RASA3: variants seen among roughly 807,000 people sequenced by gnomAD.
RASA3 encodes ras GTPase-activating protein 3.
Under a neutral mutation model 110.0 loss-of-function variants are expected in RASA3, and 73 were observed. That is an observed-to-expected ratio of 0.66 (90% confidence interval 0.55 to 0.81). The LOEUF (loss-of-function observed/expected upper bound fraction) is 0.81, where lower values mean the gene tolerates loss of function less well. RASA3 is among the 30% of genes least tolerant of loss of function. RASA3 has a pLI of 0.00. For missense variants in RASA3, 976 were observed against 1,113.2 expected (o/e 0.88, Z 1.75); for synonymous variants, 500 against 451.4 (o/e 1.11, Z -1.37).
At chr13:114,015,370 CTGCCCACAGG>C in intron 13 of RASA3, 38 bp from the exon 14 acceptor site, 1 of 1,608,960 alleles carries the variant, frequency 6.2e-7, no homozygotes, top group Non-Finnish European at 8.5e-7. Flanking sequence ...ACTCCCGAGG[CTGCCCACAGG>C]TGCGTGTAGC....
intron 11 of RASA3, 133 bp downstream of exon 11, chr13:114,017,971 T>C: frequency 9.3e-7 from 1 of 1,070,982 alleles, no homozygotes; most frequent in African/African-American, 1.7e-5. Flanking sequence ...AAAGAAAACC[T>C]GAATCAACAT....
chr13:114,000,800 C>G (rs1466885153), intron 19 of RASA3, 26 bp downstream of exon 19: 1 of 1,522,618 alleles, frequency 6.6e-7, no homozygotes. Context: ...CCAGCAAGAG[C>G]CAGGGAAAGC....
chr13:114,010,292 G>T lies in RASA3; in HGVS notation c.1591-828C>A, dbSNP rs530062710. Among the ~76,000 whole-genome samples, 3 of 152,118 alleles carry T rather than the reference G, an allele frequency of 2.0e-5. No individual in the cohort carries two copies. In the South Asian group the frequency reaches 6.2e-4, roughly 32 times the overall value. On this transcript the variant is annotated intron_variant, in intron 16 of 23. Coordinates refer to ENST00000334062, the MANE Select transcript of RASA3 (RefSeq NM_007368.4). ...AAGAACAGGGAACCAGGAGGCCTGGGCATCTGTGCACCACAGCCCAGCCCT... is the reference window on the plus strand; with the variant it reads ...AAGAACAGGGAACCAGGAGGCCTGGTCATCTGTGCACCACAGCCCAGCCCT...
intron 1 of RASA3, among the ~76,000 whole-genome samples, chr13:114,118,164 C>T (rs2080321580): frequency 6.6e-6 from 1 of 152,026 alleles, no homozygotes; most frequent in Non-Finnish European, 1.5e-5. Flanking sequence ...CTTATTTATC[C>T]CTTACTCTAT....
intron 22 of RASA3, among the ~76,000 whole-genome samples, chr13:113,990,376 C>T (rs1054000909): frequency 1.3e-5 from 2 of 152,284 alleles, no homozygotes; most frequent in Middle Eastern, 3.4e-3. Flanking sequence ...GCGGGGCGCA[C>T]GGCCTAGGAG....
At position 114,000,900 on chromosome 13, in the gene RASA3, C is replaced by T. The variant is rs768855294; in HGVS notation, c.1775G>A (p.Arg592His). The stretch of plus-strand genomic sequence containing the variant: ...CTTCTTAAAATTCTTCATCCCAAAG[C>T]GCTTCCGTCCTTGGGCCCTCTTGAT... ...FMIKRAQGRK[R>H]FGMKNFKKRW... Residue 592 changes from arginine (R) to histidine (H), a missense_variant, in exon 19 of 24, where the codon CGC becomes CAC. Around this residue, in one of 4 missense-constraint regions of RASA3, gnomAD observed 109 missense variants for 162.5 expected, o/e 0.67. Transcript: ENST00000334062. The T allele has an allele frequency of 1.1e-5, 18 of 1,613,684 alleles. No individual in the cohort carries two copies. Among genetic ancestry groups the T allele is most frequent in the South Asian group, 2.2e-5 (2 of 91,072 alleles).
rs56165269 is a variant in RASA3, at chr13:113,984,279, T to C, written c.2246-2421A>G. 3.7e-4 allele frequency among the ~76,000 whole-genome samples: 31 copies of C among 82,794 alleles called. 1 individual carries two copies. The highest frequency in any genetic ancestry group is 6.6e-4 in the African/African-American group (16 of 24,228). 54.3% of individuals were successfully genotyped at this position (82,794 alleles called of 152,430 possible). ...CATCTGTCCATCCACCCATCACTCA[T>C]CCCTCGGTCCATCCACCCATCACTC... is the stretch of plus-strand genomic sequence containing the variant. On this transcript the variant is annotated intron_variant, in intron 22 of 23. Coordinates refer to ENST00000334062, the MANE Select transcript of RASA3 (RefSeq NM_007368.4).
At position 114,018,201 on chromosome 13, in the gene RASA3, G is replaced by A; in HGVS notation, c.994C>T (p.Gln332Ter). 6.4e-7 allele frequency: 1 copy of A among 1,553,194 alleles called. No homozygotes were observed. Among genetic ancestry groups the A allele is most frequent in the South Asian group, 1.2e-5 (1 of 84,196 alleles). Residue 332 changes from glutamine to a stop codon, truncating the protein, a stop_gained, in exon 11 of 24, where the codon CAG (glutamine) becomes TAG (stop). Transcript: ENST00000334062. LOFTEE classifies it high-confidence loss of function. ...CGCACCAGCGGGACGGCCGCCTCCT[G>A]CTTCTCCCGGCAAACCTCGCCCAGG... is the stretch of plus-strand genomic sequence containing the variant. The part of the protein sequence containing the change: ...HILGEVCREK[Q>*]EAAVPLVRLF...
chr13:114,073,956 G>T (rs961886567), intron 1 of RASA3, 119 bp from the exon 2 acceptor site: 13 of 913,106 alleles, frequency 1.4e-5, no homozygotes, highest in Non-Finnish European at 1.8e-5. Flanking sequence ...TAAAGCCTTG[G>T]TTTTTTTGCC....
intron 2 of RASA3, among the ~76,000 whole-genome samples, chr13:114,072,564 G>C (rs2079589690): frequency 6.6e-6 from 1 of 152,138 alleles, no homozygotes; most frequent in Non-Finnish European, 1.5e-5. Context: ...CTCTTTTGTG[G>C]AGTGCGAGCT....
intron 23 of RASA3, among the ~76,000 whole-genome samples, chr13:113,980,815 C>T (rs1440815848): frequency 1.3e-5 from 2 of 152,058 alleles, no homozygotes; most frequent in East Asian, 1.9e-4. Context: ...AGACCAGACC[C>T]GCATGGTGGA....
At chr13:113,984,226 C>A (rs1422155127) in intron 22 of RASA3, among the ~76,000 whole-genome samples, 1 of 101,254 alleles carries the variant, frequency 9.9e-6, no homozygotes, top group African/African-American at 3.2e-5. Context: ...CATCACTCAC[C>A]CATCTGTCCA....
chr13:114,103,942 A>G (rs7331238), intron 1 of RASA3, among the ~76,000 whole-genome samples: 298 of 4,334 alleles, frequency 0.069, 5 homozygotes, highest in East Asian at 0.1. Context: ...ACGCTGCCAC[A>G]GCCACGGACA....
At position 114,015,147 on chromosome 13, in the gene RASA3, G is replaced by A. The variant is rs918645932; in HGVS notation, c.1405+62C>T. On this transcript the variant is annotated intron_variant, in intron 14 of 23. Coordinates refer to ENST00000334062, the MANE Select transcript of RASA3 (RefSeq NM_007368.4). ...GCTGCGGGGGGTTCTGCCTGGGTGG[G>A]AGTCACCCTGCACAGCGCTATGGCA... 2.5e-6 allele frequency: 4 copies of A among 1,594,908 alleles called. No individual in the cohort carries two copies. In the African/African-American group the frequency reaches 5.4e-5, roughly 21 times the overall value.
rs568463850 is a variant in RASA3 at position 114,028,663 on chromosome 13, C to G, written c.450-736G>C. ...AAACAGCATCATCCTGGGGCCAGGA[C>G]CTCTAAAACAGTGTCATCCTGGGGC... On this transcript the variant is annotated intron_variant, in intron 5 of 23. Transcript: ENST00000334062. 1.3e-4 allele frequency among the ~76,000 whole-genome samples: 18 copies of G among 134,538 alleles called. No individual in the cohort carries two copies. In the South Asian group the frequency reaches 4.6e-3, roughly 35 times the overall value. The allele number at this position is 134,538 out of a possible 152,430, so 88.3% of individuals were successfully genotyped here. A position where few individuals can be genotyped will look rare whatever the true frequency, so the allele number is the denominator to read the frequency against.
intron 1 of RASA3, among the ~76,000 whole-genome samples, chr13:114,089,507 A>G (rs1018966036): frequency 6.6e-6 from 1 of 151,902 alleles, no homozygotes; most frequent in African/African-American, 2.4e-5. Flanking sequence ...CCGCAGAACT[A>G]AGGAACGCCT....
intron 2 of RASA3, among the ~76,000 whole-genome samples, chr13:114,072,392 T>C (rs2079587072): frequency 6.6e-6 from 1 of 152,192 alleles, no homozygotes; most frequent in Non-Finnish European, 1.5e-5. Flanking sequence ...TAAGAGTTTG[T>C]TTTTCTTGGC....
chr13:114,040,958 G>A (rs2054392410), intron 4 of RASA3, 42 bp downstream of exon 4: 1 of 1,590,850 alleles, frequency 6.3e-7, no homozygotes, highest in Non-Finnish European at 8.6e-7. Context: ...GCCCCATGGT[G>A]TCCCAGGGCT....
At chr13:114,037,457 G>A (rs2054299406) in intron 4 of RASA3, among the ~76,000 whole-genome samples, 1 of 152,256 alleles carries the variant, frequency 6.6e-6, no homozygotes, top group African/African-American at 2.4e-5. Context: ...AGTGGCCTGC[G>A]TCAGAGACAG....
Sources: gnomAD v4.1 joint callset for allele counts (sites outside exome capture counted in the v4.1 genomes callset) on GRCh38, gnomAD v4.1.1 for gene constraint, gnomAD v4.1.1 regional missense constraint, MANE v1.5 for transcripts, NCBI Gene and HGNC (gene_info 2026-07-23, HGNC 2026-07-21) for gene names.